The following MTCL1 variants were observed in gnomAD, a reference collection of about 807,000 sequenced individuals.
MTCL1 encodes the protein microtubule crosslinking factor 1.
In MTCL1, 79 loss-of-function variants were observed where a neutral mutation model predicts 141.4. That is an observed-to-expected ratio of 0.56 (90% confidence interval 0.47 to 0.67). The LOEUF (loss-of-function observed/expected upper bound fraction) is 0.67, where lower values mean the gene tolerates loss of function less well. Among genes scored for constraint, MTCL1 ranks in the 30% least tolerant of loss-of-function variants. The pLI is 0.00. For missense variants in MTCL1, 2,177 were observed against 2,113.9 expected (o/e 1.03, Z -0.59); for synonymous variants, 914 against 875.8 (o/e 1.04, Z -0.77).
Position 8,779,617 on chromosome 18 carries a change from T to C in MTCL1, c.417+1725T>C, listed in dbSNP as rs2096526025. 6.6e-6 allele frequency among the ~76,000 whole-genome samples: 1 copy of C among 152,156 alleles called. No homozygotes were observed. Among genetic ancestry groups the C allele is most frequent in the African/African-American group, 2.4e-5 (1 of 41,442 alleles). On this transcript the variant is annotated intron_variant, in intron 5 of 16. Transcript: ENST00000359865. This position sits in a 1 kb window ranked among gnomAD's most constrained non-coding sequence, Gnocchi z 4.1. ...AACACCCGGCAGGTGCAGCGGGCCCTGCTCCAGCTGCCTCGACCTCACGGA... is the reference window on the plus strand; with the variant it reads ...AACACCCGGCAGGTGCAGCGGGCCCCGCTCCAGCTGCCTCGACCTCACGGA...
At position 8,830,236 on chromosome 18, in the gene MTCL1, G is replaced by C; in HGVS notation, c.*18+1272G>C. ...TGGCGCTGGTGGAGTTTTAACTGGA[G>C]AGGTATTTCTGGTTGTCACGGTACT... On this transcript the variant is annotated intron_variant, in intron 16 of 16. Coordinates refer to ENST00000359865, the Ensembl canonical transcript of MTCL1. The surrounding 1 kb of genome is among the most constrained non-coding windows in gnomAD (Gnocchi z 6.4). 1 of 985,646 alleles carries C rather than the reference G, an allele frequency of 1.0e-6. No individual in the cohort carries two copies. The highest frequency in any genetic ancestry group is 1.2e-6 in the Non-Finnish European group (1 of 830,108). 61.1% of individuals were successfully genotyped at this position (985,646 alleles called of 1,614,324 possible). A position where few individuals can be genotyped will look rare whatever the true frequency, so the allele number is the denominator to read the frequency against.
chr18:8,745,525 A>C (rs1396442616), intron 4 of MTCL1, among the ~76,000 whole-genome samples: 1 of 152,080 alleles, frequency 6.6e-6, no homozygotes, highest in Non-Finnish European at 1.5e-5. Flanking sequence ...TGTACCACAC[A>C]TTATTAGTCT....
chr18:8,745,987 T>C (rs2096335210), intron 4 of MTCL1, among the ~76,000 whole-genome samples: 1 of 152,192 alleles, frequency 6.6e-6, no homozygotes, highest in South Asian at 2.1e-4. Context: ...AATCATACAG[T>C]ATTTGTCTTT....
chr18:8,792,481 C>G (rs1335692937), intron 7 of MTCL1, among the ~76,000 whole-genome samples: 1 of 152,150 alleles, frequency 6.6e-6, no homozygotes, highest in African/African-American at 2.4e-5. Context: ...GCATCGGTGT[C>G]AGACCACCTT....
chr18:8,813,095 G>T, exon 12 of MTCL1: 1 of 1,614,196 alleles, frequency 6.2e-7, no homozygotes, highest in Non-Finnish European at 8.5e-7. Context: ...GTCACAGCCT[G>T]GTCATGGACC....
chr18:8,716,766 A>T (rs960567307), upstream of MTCL1, among the ~76,000 whole-genome samples: 3 of 151,994 alleles, frequency 2.0e-5, no homozygotes, highest in African/African-American at 7.3e-5. Context: ...TTGAACCTTA[A>T]TATTAATTGA....
rs2077175669 is a variant in MTCL1 at position 8,830,994 on chromosome 18, T to A, written c.*19-613T>A. ...TTAAAATGCTGCTGCAATTGAACAG[T>A]CATTAAAGAAAACCAGACCCAAATT... On this transcript the variant is annotated intron_variant, in intron 16 of 16. Transcript: ENST00000359865. The surrounding 1 kb of genome is among the most constrained non-coding windows in gnomAD (Gnocchi z 6.4). 1.0e-6 allele frequency: 1 copy of A among 985,898 alleles called. No individual in the cohort carries two copies. The highest frequency in any genetic ancestry group is 4.7e-5 in the South Asian group (1 of 21,310). 61.1% of individuals were successfully genotyped at this position (985,898 alleles called of 1,614,324 possible).
intron 4 of MTCL1, among the ~76,000 whole-genome samples, chr18:8,738,548 G>A (rs955254530): frequency 6.6e-6 from 1 of 152,200 alleles, no homozygotes; most frequent in Non-Finnish European, 1.5e-5. Context: ...AGGTCCAGTT[G>A]ACCTCATATG....
chr18:8,751,710 G>A (rs1185971245), intron 4 of MTCL1, among the ~76,000 whole-genome samples: 1 of 152,218 alleles, frequency 6.6e-6, no homozygotes, highest in Non-Finnish European at 1.5e-5. Context: ...TACAGTTGAA[G>A]TGAGGTTGGC....
intron 16 of MTCL1, chr18:8,829,645 C>G (rs1437502897): frequency 1.0e-6 from 1 of 985,104 alleles, no homozygotes; most frequent in Admixed American, 6.2e-5. Context: ...AGTCATCCAC[C>G]CACCTCATCC....
At chr18:8,824,808 C>T (rs374849559) in exon 15 of MTCL1, 1 of 1,614,094 alleles carries the variant, frequency 6.2e-7, no homozygotes, top group African/African-American at 1.3e-5. Context: ...TGTCACCCCA[C>T]CCCTGTCTCC....
chr18:8,705,715 C>T lies in MTCL1; in HGVS notation c.55C>T (p.Pro19Ser). Residue 19 changes from proline (P) to serine (S), a missense_variant, in exon 1 of 14, where the codon CCG (proline) becomes TCG (serine). Transcript: ENST00000306329. The surrounding 1 kb of genome is among the most constrained non-coding windows in gnomAD (Gnocchi z 5.2). The stretch of plus-strand genomic sequence containing the variant: ...AGGTGCCCCGGACGCGAAGCTGCAG[C>T]CGCCCGGCCAGCACCACCGCCACCA... 1 of 1,203,986 alleles carries T rather than the reference C, an allele frequency of 8.3e-7. No homozygotes were observed. The highest frequency in any genetic ancestry group is 1.0e-6 in the Non-Finnish European group (1 of 969,752). The allele number at this position is 1,203,986 out of a possible 1,614,324, so 74.6% of individuals were successfully genotyped here.
chr18:8,786,267 G>T (rs902729886), intron 7 of MTCL1, 176 bp downstream of exon 6: 1 of 769,940 alleles, frequency 1.3e-6, no homozygotes, highest in African/African-American at 1.7e-5. Flanking sequence ...ACAGGCAGGT[G>T]TGCGCAGGTG....
At chr18:8,827,641 T>G (rs948850604) in intron 15 of MTCL1, among the ~76,000 whole-genome samples, 2 of 152,194 alleles carry the variant, frequency 1.3e-5, no homozygotes, top group Non-Finnish European at 2.9e-5. Context: ...ACGGTCTGTT[T>G]ATATGTGAGT....
At chr18:8,821,125 T>G (rs1423761810) in intron 13 of MTCL1, among the ~76,000 whole-genome samples, 1 of 152,194 alleles carries the variant, frequency 6.6e-6, no homozygotes, top group Non-Finnish European at 1.5e-5. Context: ...ACTTAGGTTG[T>G]TACAAATCCC....
intron 13 of MTCL1, among the ~76,000 whole-genome samples, chr18:8,820,261 T>A (rs1404213211): frequency 6.6e-6 from 1 of 151,910 alleles, no homozygotes; most frequent in Middle Eastern, 3.2e-3. Flanking sequence ...TACAAAAAAA[T>A]TAGCCAGGCG....
intron 4 of MTCL1, among the ~76,000 whole-genome samples, chr18:8,746,252 G>A (rs1404477415): frequency 3.9e-5 from 6 of 152,154 alleles, no homozygotes; most frequent in African/African-American, 7.2e-5. Context: ...GTGTGTACTC[G>A]GAAGTGGGAT....
At chr18:8,824,979 C>T (rs1241335488) in exon 15 of MTCL1, 5 of 1,613,330 alleles carry the variant, frequency 3.1e-6, no homozygotes, top group Non-Finnish European at 4.2e-6. Flanking sequence ...CTCCTGGTAC[C>T]TAACCACAAG....
At chr18:8,708,131 A>G (rs1168882521) in intron 1 of MTCL1, among the ~76,000 whole-genome samples, 1 of 152,242 alleles carries the variant, frequency 6.6e-6, no homozygotes, top group East Asian at 1.9e-4. Context: ...TAAATCTTCA[A>G]CAAATGTAAG....
Sources: gnomAD v4.1 joint callset for allele counts (sites outside exome capture counted in the v4.1 genomes callset) on GRCh38, gnomAD v4.1.1 for gene constraint, Gnocchi (gnomAD v3.1) non-coding constraint, MANE v1.5 for transcripts, NCBI Gene and HGNC (gene_info 2026-07-23, HGNC 2026-07-21) for gene names.